ARHGEF33: variants seen among roughly 807,000 people sequenced by gnomAD.
ARHGEF33 encodes Rho guanine nucleotide exchange factor 33.
In ARHGEF33, 72 loss-of-function variants were observed where a neutral mutation model predicts 101.9. The observed-to-expected ratio is 0.71, with a 90% CI of 0.58 to 0.86. The LOEUF (loss-of-function observed/expected upper bound fraction) is 0.86. Among genes scored for constraint, ARHGEF33 ranks in the 40% least tolerant of loss-of-function variants. ARHGEF33 has a pLI of 0.00. For synonymous variants in ARHGEF33, 499 were observed against 442.5 expected, an observed-to-expected ratio of 1.13 and a Z score of -1.60; for missense variants, 1,169 against 1,111.3, an observed-to-expected ratio of 1.05 and a Z score of -0.74.
intron 17 of ARHGEF33, 128 bp from the exon 18 acceptor site, chr2:38,973,586 G>C (rs1668212827): frequency 5.0e-6 from 5 of 992,260 alleles, no homozygotes; most frequent in Admixed American, 3.3e-5. Flanking sequence ...AAATTCAGGG[G>C]AGTAAAAAGT....
chr2:38,900,990 C>A (rs1335861911), intron 2 of ARHGEF33, among the ~76,000 whole-genome samples: 2 of 151,980 alleles, frequency 1.3e-5, no homozygotes, highest in African/African-American at 4.8e-5. Flanking sequence ...AATGAAAATC[C>A]CACAAGAAAA....
chr2:38,923,564 A>G (rs905995052), intron 4 of ARHGEF33, among the ~76,000 whole-genome samples: 6 of 152,152 alleles, frequency 3.9e-5, no homozygotes, highest in African/African-American at 1.4e-4. Flanking sequence ...TAAGGGCAGG[A>G]ATTTAGTCCA....
chr2:38,944,641 A>G (rs1460814004), intron 10 of ARHGEF33, among the ~76,000 whole-genome samples: 2 of 152,110 alleles, frequency 1.3e-5, no homozygotes, highest in East Asian at 3.9e-4. Context: ...GGTCTCTAAC[A>G]TGTCTTTTAA....
chr2:38,952,626 A>C (rs541478076), intron 11 of ARHGEF33, among the ~76,000 whole-genome samples: 1 of 152,246 alleles, frequency 6.6e-6, no homozygotes, highest in Admixed American at 6.5e-5. Context: ...ACTTTCTCTC[A>C]TTAGGGAGGG....
intron 2 of ARHGEF33, among the ~76,000 whole-genome samples, chr2:38,900,854 G>A (rs530217871): frequency 1.3e-5 from 2 of 152,208 alleles, no homozygotes; most frequent in African/African-American, 4.8e-5. Context: ...ACACTTGAAT[G>A]AAGACAGGGT....
At chr2:38,937,809 G>A (rs1360988820) in intron 9 of ARHGEF33, among the ~76,000 whole-genome samples, 1 of 152,110 alleles carries the variant, frequency 6.6e-6, no homozygotes, top group African/African-American at 2.4e-5. Flanking sequence ...TGGGCGGGAG[G>A]GGGAAGGCAT....
At position 38,959,845 on chromosome 2, in the gene ARHGEF33, C is replaced by G; in HGVS notation, c.1540C>G (p.Leu514Val). The G allele has an allele frequency of 1.9e-6, 3 of 1,546,296 alleles. No individual in the cohort carries two copies. Among genetic ancestry groups the G allele is most frequent in the African/African-American group, 1.4e-5 (1 of 73,026 alleles). ...TACTCTGTTTTCCCCCTAAAGACAT[C>G]TGATGCCCCCAGTGAAGAAAAGCCA... ...APSSGPAITH[L>V]MPPVKKSQQQ... The change falls in exon 16 of 18, where the codon CTG (leucine) becomes GTG (valine). Residue 514 changes from leucine (L) to valine (V), a missense_variant. By Grantham distance (32) the Leu-to-Val change is conservative. Transcript: ENST00000409978.
At chr2:38,909,573 A>G (rs1327147229) in intron 2 of ARHGEF33, among the ~76,000 whole-genome samples, 1 of 151,164 alleles carries the variant, frequency 6.6e-6, no homozygotes, top group African/African-American at 2.4e-5. Flanking sequence ...TTCTGGGCTA[A>G]AGCTAACTGC....
Position 38,960,090 on chromosome 2 carries a change from G to A in ARHGEF33, c.1785G>A (p.Leu595=). ...CGCTGGGCAACGTGGAGCGCTCCCT[G>A]CGCGCCCCGGCCGAGCTCCTGCCCG... ...AEPLGNVERS[L]RAPAELLPDA... The change falls in exon 16 of 18, where the codon CTG becomes CTA. Residue 595 remains leucine (L), a synonymous_variant. Transcript: ENST00000409978. 1 of 1,542,008 alleles carries A rather than the reference G, an allele frequency of 6.5e-7. No individual in the cohort carries two copies. Among genetic ancestry groups the A allele is most frequent in the Non-Finnish European group, 8.7e-7 (1 of 1,144,610 alleles).
At position 38,933,380 on chromosome 2, in the gene ARHGEF33, T is replaced by A. The variant is rs375299479; in HGVS notation, c.505+2129T>A. 7.2e-5 allele frequency among the ~76,000 whole-genome samples: 11 copies of A among 151,766 alleles called. No homozygotes were observed. In the East Asian group the frequency reaches 7.7e-4, roughly 11 times the overall value. On this transcript the variant is annotated intron_variant, in intron 7 of 17. Transcript: ENST00000409978. Reference sequence around the variant, plus strand: ...AGAAGCCACAGTGGGTTTTTTTGTTTTGTTTTTTTTTTCTTTTTTTGAAAC... The same window carrying A: ...AGAAGCCACAGTGGGTTTTTTTGTTATGTTTTTTTTTTCTTTTTTTGAAAC...
intron 9 of ARHGEF33, among the ~76,000 whole-genome samples, chr2:38,941,438 C>G (rs914052771): frequency 1.3e-5 from 2 of 152,112 alleles, no homozygotes; most frequent in Non-Finnish European, 2.9e-5. Flanking sequence ...CATCTTTTTT[C>G]CTCATGATTT....
At chr2:38,901,814 C>T (rs557744245) in intron 2 of ARHGEF33, among the ~76,000 whole-genome samples, 1 of 152,238 alleles carries the variant, frequency 6.6e-6, no homozygotes, top group African/African-American at 2.4e-5. Context: ...ATTTCTACTC[C>T]CTATTAACAA....
chr2:38,967,575 A>G (rs965575388), intron 17 of ARHGEF33, among the ~76,000 whole-genome samples: 1 of 151,930 alleles, frequency 6.6e-6, no homozygotes, highest in Non-Finnish European at 1.5e-5. Context: ...ACCCTGATTT[A>G]GACTCCTGAA....
intron 5 of ARHGEF33, 52 bp downstream of exon 5, chr2:38,929,123 C>A: frequency 7.0e-7 from 1 of 1,429,148 alleles, no homozygotes; most frequent in Non-Finnish European, 9.5e-7. Flanking sequence ...GTCTCAGTAA[C>A]AGCAATAGAA....
At chr2:38,945,484 C>G (rs768741210) in intron 10 of ARHGEF33, among the ~76,000 whole-genome samples, 1 of 152,262 alleles carries the variant, frequency 6.6e-6, no homozygotes, top group African/African-American at 2.4e-5. Flanking sequence ...CCTCACCTCT[C>G]AGATACTGCC....
At chr2:38,901,653 C>G (rs368594950) in intron 2 of ARHGEF33, among the ~76,000 whole-genome samples, 1 of 152,184 alleles carries the variant, frequency 6.6e-6, no homozygotes. Context: ...CAAAGCATAG[C>G]AATAATCACC....
intron 6 of ARHGEF33, among the ~76,000 whole-genome samples, chr2:38,930,354 C>CT (rs879653317): frequency 1.6e-3 from 226 of 141,814 alleles, no homozygotes; most frequent in South Asian, 6.7e-3. Flanking sequence ...TCTTTCTTTT[C>CT]TTTTTTTTTT....
intron 2 of ARHGEF33, among the ~76,000 whole-genome samples, chr2:38,907,638 A>C (rs1187026515): frequency 6.6e-6 from 1 of 152,214 alleles, no homozygotes; most frequent in East Asian, 1.9e-4. Flanking sequence ...ACCCCTCTGC[A>C]AATCAGGGCC....
At chr2:38,951,250 T>A (rs764673292) in intron 11 of ARHGEF33, 129 bp downstream of exon 11, 8 of 875,590 alleles carry the variant, frequency 9.1e-6, no homozygotes, top group Non-Finnish European at 1.4e-5. Context: ...TAGTCTAACT[T>A]TCTCATTCTA....
Sources: gnomAD v4.1 joint callset for allele counts (sites outside exome capture counted in the v4.1 genomes callset) on GRCh38, gnomAD v4.1.1 for gene constraint, MANE v1.5 for transcripts, NCBI Gene and HGNC (gene_info 2026-07-23, HGNC 2026-07-21) for gene names.